SHTN1: variants seen among roughly 807,000 people sequenced by gnomAD.
SHTN1 encodes the protein shootin 1, also known as shootin-1.
A neutral mutation model predicts 83.1 loss-of-function variants in SHTN1; 42 were observed. The observed-to-expected ratio is 0.51, with a 90% CI of 0.39 to 0.65. SHTN1 has a LOEUF of 0.65. Ranked by LOEUF, SHTN1 falls within the 30% of genes least tolerant of loss-of-function variation. The pLI, the probability that SHTN1 is intolerant of heterozygous loss-of-function variation, is 0.00. For missense variants in SHTN1, 622 were observed against 737.8 expected (o/e 0.84, Z 1.82); for synonymous variants, 224 against 247.7 (o/e 0.90, Z 0.90).
intron 7 of SHTN1, among the ~76,000 whole-genome samples, chr10:116,947,448 A>G (rs1849635401): frequency 1.3e-5 from 2 of 152,184 alleles, no homozygotes; most frequent in African/African-American, 4.8e-5. Flanking sequence ...AGAATTTCAA[A>G]CTCTGTACTC....
At chr10:116,959,459 A>G (rs1456563534) in intron 4 of SHTN1, among the ~76,000 whole-genome samples, 1 of 152,174 alleles carries the variant, frequency 6.6e-6, no homozygotes, top group African/African-American at 2.4e-5. Context: ...AAAGAAACAC[A>G]ACCAGTATTA....
intron 4 of SHTN1, among the ~76,000 whole-genome samples, chr10:116,957,755 C>G (rs149540731): frequency 2.2e-4 from 34 of 152,212 alleles, no homozygotes; most frequent in Non-Finnish European, 4.4e-4. Flanking sequence ...AGTATCCATA[C>G]TTGCTTCTAA....
chr10:116,977,689 T>TGTGTGTG (rs35991700), intron 2 of SHTN1, among the ~76,000 whole-genome samples: 1 of 150,356 alleles, frequency 6.7e-6, no homozygotes, highest in African/African-American at 2.4e-5. Flanking sequence ...TGTGTGTGTG[T>TGTGTGTG]TTTGAGACAA....
rs546218368 is a variant in SHTN1 at position 116,991,555 on chromosome 10, G to A, written c.59-12247C>T. On this transcript the variant is annotated intron_variant, in intron 1 of 16. Coordinates refer to ENST00000355371, the MANE Select transcript of SHTN1 (RefSeq NM_001127211.3). The stretch of plus-strand genomic sequence containing the variant: ...ACTTTTCAACAAGTAGCTCTCAGGG[G>A]AACTCTCAGGGAGGCTATAGTAGAC... Among the ~76,000 whole-genome samples the A allele has an allele frequency of 2.1e-4, 32 of 152,204 alleles. 1 individual carries two copies. The South Asian group carries it at 6.4e-3, about 31-fold the overall frequency.
intron 1 of SHTN1, among the ~76,000 whole-genome samples, chr10:117,066,625 T>C (rs1289447313): frequency 6.6e-6 from 1 of 152,206 alleles, no homozygotes; most frequent in African/African-American, 2.4e-5. Context: ...TACCCTATAC[T>C]ACCTTATTTC....
chr10:117,078,374 G>A (rs1417566145), intron 1 of SHTN1, among the ~76,000 whole-genome samples: 6 of 152,146 alleles, frequency 3.9e-5, no homozygotes, highest in Admixed American at 2.0e-4. Context: ...GCCACCACTA[G>A]TTTTCCTGGT....
intron 7 of SHTN1, among the ~76,000 whole-genome samples, chr10:116,947,221 G>A (rs1849626499): frequency 3.9e-5 from 6 of 152,112 alleles, no homozygotes; most frequent in Admixed American, 3.9e-4. Context: ...TAGTGATAAT[G>A]ACAGGACAGA....
At chr10:116,966,442 C>A (rs1850400042) in intron 3 of SHTN1, among the ~76,000 whole-genome samples, 2 of 152,152 alleles carry the variant, frequency 1.3e-5, no homozygotes, top group South Asian at 4.1e-4. Context: ...TAATTAAAGA[C>A]ACTTAGTAAA....
At position 117,048,444 on chromosome 10, in the gene SHTN1, C is replaced by T; in HGVS notation, c.-123+1G>A. ...CACATCGGCACGGTCTTGTTACCTA[C>T]CCCCTTCTCTGAGGCAGACTTCATC... On this transcript the variant is annotated splice_donor_variant, in intron 2 of 17. Coordinates refer to the SHTN1 transcript ENST00000392901. LOFTEE classifies it low-confidence loss of function (5UTR_SPLICE). The T allele has an allele frequency of 1.0e-6, 1 of 983,506 alleles. No homozygotes were observed. Among genetic ancestry groups the T allele is most frequent in the South Asian group, 4.7e-5 (1 of 21,250 alleles). 60.9% of individuals were successfully genotyped at this position (983,506 alleles called of 1,614,324 possible).
intron 1 of SHTN1, among the ~76,000 whole-genome samples, chr10:117,063,896 A>G (rs1852935003): frequency 6.6e-6 from 1 of 152,184 alleles, no homozygotes; most frequent in African/African-American, 2.4e-5. Flanking sequence ...TCCAACTTTT[A>G]ACTTTTTTTC....
At chr10:116,979,858 G>A (rs1850951846) in intron 1 of SHTN1, among the ~76,000 whole-genome samples, 2 of 152,126 alleles carry the variant, frequency 1.3e-5, no homozygotes, top group Admixed American at 6.5e-5. Flanking sequence ...TTGCACACTC[G>A]ACTCAATGTC....
intron 2 of SHTN1, among the ~76,000 whole-genome samples, chr10:117,036,257 C>A (rs1388472889): frequency 6.6e-6 from 1 of 152,024 alleles, no homozygotes; most frequent in Non-Finnish European, 1.5e-5. Flanking sequence ...AAAGAGCTAC[C>A]ATATGATCCA....
intron 16 of SHTN1, chr10:116,901,553 T>C: frequency 1.0e-6 from 1 of 985,360 alleles, no homozygotes; most frequent in South Asian, 4.7e-5. Context: ...GGGGAAGTAA[T>C]TCTCTTTGTA....
At chr10:116,943,683 C>T (rs1157413994) in intron 8 of SHTN1, among the ~76,000 whole-genome samples, 1 of 152,214 alleles carries the variant, frequency 6.6e-6, no homozygotes, top group Non-Finnish European at 1.5e-5. Context: ...CACAGCTATG[C>T]TCAAGCACAG....
At chr10:117,073,325 G>A (rs979370730) in intron 1 of SHTN1, among the ~76,000 whole-genome samples, 4 of 152,166 alleles carry the variant, frequency 2.6e-5, no homozygotes, top group African/African-American at 7.2e-5. Flanking sequence ...TTTATTAATT[G>A]CTTACTAGGC....
intron 2 of SHTN1, among the ~76,000 whole-genome samples, chr10:117,026,507 CCTT>C (rs200709433): frequency 0.018 from 2,727 of 151,696 alleles, 77 homozygotes; most frequent in African/African-American, 0.062. Flanking sequence ...ACTGCAACCT[CCTT>C]CTCCCGAATT....
intron 14 of SHTN1, 83 bp from the exon 15 acceptor site, chr10:116,906,830 C>T: frequency 8.9e-7 from 1 of 1,122,950 alleles, no homozygotes; most frequent in Non-Finnish European, 1.2e-6. Context: ...ACCATGAAAA[C>T]ATTACCAGAA....
intron 1 of SHTN1, among the ~76,000 whole-genome samples, chr10:117,089,660 C>T (rs747275344): frequency 2.0e-5 from 3 of 151,746 alleles, no homozygotes; most frequent in African/African-American, 7.3e-5. Context: ...AGAAAACATA[C>T]GGAATGGGAG....
chr10:117,019,635 G>A (rs945141244), intron 2 of SHTN1, among the ~76,000 whole-genome samples: 1 of 152,080 alleles, frequency 6.6e-6, no homozygotes. Flanking sequence ...TGAGGCCAGA[G>A]GTTCAAGACC....
Sources: allele counts gnomAD v4.1 joint callset (sites outside exome capture counted in the v4.1 genomes callset), GRCh38; gene constraint gnomAD v4.1.1; transcripts MANE v1.5; gene names NCBI Gene and HGNC (gene_info 2026-07-23, HGNC 2026-07-21).